Variants in SOX5 observed in about 807,000 individuals in gnomAD.
SOX5 encodes the protein SRY-box transcription factor 5, also known as transcription factor SOX-5.
In SOX5, 9 loss-of-function variants were observed where a neutral mutation model predicts 92.0. That is an observed-to-expected ratio of 0.10 (90% CI 0.06 to 0.17). The LOEUF (loss-of-function observed/expected upper bound fraction) is 0.17, where lower values mean the gene tolerates loss of function less well. Among genes scored for constraint, SOX5 ranks in the 10% least tolerant of loss-of-function variants. SOX5 has a pLI of 1.00. For synonymous variants in SOX5, 344 were observed against 336.3 expected, an observed-to-expected ratio of 1.02 and a Z score of -0.25; for missense variants, 642 against 944.5, an observed-to-expected ratio of 0.68 and a Z score of 4.20.
At chr12:23,979,257 T>C (rs1949246335) in intron 4 of SOX5, among the ~76,000 whole-genome samples, 1 of 152,196 alleles carries the variant, frequency 6.6e-6, no homozygotes, top group Non-Finnish European at 1.5e-5. Flanking sequence ...AGAGTCTTAC[T>C]CTGTCAGCCA....
At chr12:24,520,419 G>T (rs1402737083) in intron 1 of SOX5, among the ~76,000 whole-genome samples, 4 of 151,602 alleles carry the variant, frequency 2.6e-5, no homozygotes, top group Non-Finnish European at 5.9e-5. Context: ...AAAATGGAAG[G>T]TTATAATGAT....
chr12:24,194,857 T>G (rs574121404), intron 4 of SOX5, among the ~76,000 whole-genome samples: 269 of 152,286 alleles, frequency 1.8e-3, no homozygotes, highest in African/African-American at 6.2e-3. Flanking sequence ...GATCTCCAAT[T>G]TACAACCTTA....
intron 4 of SOX5, among the ~76,000 whole-genome samples, chr12:24,085,453 T>C (rs1289064391): frequency 1.3e-5 from 2 of 152,144 alleles, no homozygotes; most frequent in African/African-American, 4.8e-5. Context: ...AGTTGTCAGA[T>C]GGCAGCGTGA....
chr12:23,654,849 CGA>C, intron 7 of SOX5, among the ~76,000 whole-genome samples: 2 of 151,822 alleles, frequency 1.3e-5, no homozygotes, highest in South Asian at 2.1e-4. Context: ...ACATTTTATT[CGA>C]GAGAGTAAAA....
At chr12:23,837,263 A>G (rs1310672362) in intron 3 of SOX5, among the ~76,000 whole-genome samples, 2 of 111,712 alleles carry the variant, frequency 1.8e-5, no homozygotes, top group Non-Finnish European at 3.4e-5. Flanking sequence ...ATATTTATAT[A>G]ATATATAATA....
At chr12:24,559,358 T>C (rs1954115379) in intron 1 of SOX5, among the ~76,000 whole-genome samples, 1 of 152,158 alleles carries the variant, frequency 6.6e-6, no homozygotes, top group African/African-American at 2.4e-5. Context: ...CCAACAATTA[T>C]ACCTGCTGGA....
Position 24,155,687 on chromosome 12 carries a change from AT to A in SOX5, c.-2+57655del, listed in dbSNP as rs769197715. Among the ~76,000 whole-genome samples the A allele has an allele frequency of 1.8e-3, 281 of 152,314 alleles. 1 individual carries two copies. Among genetic ancestry groups the A allele is most frequent in the Middle Eastern group, 3.4e-3 (1 of 294 alleles). ...AACAATTAGCTTTCAAACACAAAAG[AT>A]AAAGTAAGGTGAATGAGTTCAAACC... On this transcript the variant is annotated intron_variant, in intron 4 of 4. Coordinates refer to the SOX5 transcript ENST00000446891.
At chr12:24,154,887 G>A (rs557051572) in intron 4 of SOX5, among the ~76,000 whole-genome samples, 1 of 152,022 alleles carries the variant, frequency 6.6e-6, no homozygotes, top group East Asian at 1.9e-4. Flanking sequence ...ACTTTATTTG[G>A]AAAATTAAAA....
intron 4 of SOX5, among the ~76,000 whole-genome samples, chr12:24,091,815 A>T (rs7963575): frequency 0.77 from 117,529 of 151,784 alleles, 46,286 homozygotes; most frequent in East Asian, 1. Context: ...AGCCATTTCT[A>T]TTTTCTAACT....
chr12:24,305,032 C>G (rs1190499602), intron 2 of SOX5, among the ~76,000 whole-genome samples: 4 of 152,098 alleles, frequency 2.6e-5, no homozygotes, highest in African/African-American at 9.7e-5. Flanking sequence ...GGAAGAATGA[C>G]GATGATCAAA....
chr12:24,526,803 T>C (rs1950751696), intron 1 of SOX5, among the ~76,000 whole-genome samples: 1 of 152,154 alleles, frequency 6.6e-6, no homozygotes, highest in Non-Finnish European at 1.5e-5. Context: ...GTCTTCTTCT[T>C]ATGAAATTAT....
At chr12:24,551,628 C>T (rs1005597402) in intron 1 of SOX5, among the ~76,000 whole-genome samples, 1 of 152,186 alleles carries the variant, frequency 6.6e-6, no homozygotes, top group Non-Finnish European at 1.5e-5. Context: ...TATCCTCATG[C>T]GGTAACTGTT....
chr12:23,792,056 TA>T (rs2095483599), intron 3 of SOX5, among the ~76,000 whole-genome samples: 1 of 152,142 alleles, frequency 6.6e-6, no homozygotes, highest in South Asian at 2.1e-4. Context: ...GATTTTTAAA[TA>T]GTATCTAAGT....
intron 7 of SOX5, among the ~76,000 whole-genome samples, chr12:23,655,992 T>A (rs1269604029): frequency 7.1e-6 from 1 of 141,790 alleles, no homozygotes; most frequent in Admixed American, 6.9e-5. Flanking sequence ...ATAATTTGAC[T>A]TCTTTAGAAA....
At chr12:24,282,173 C>T (rs1945286546) in intron 2 of SOX5, among the ~76,000 whole-genome samples, 1 of 151,972 alleles carries the variant, frequency 6.6e-6, no homozygotes, top group Non-Finnish European at 1.5e-5. Context: ...AATGCGATAT[C>T]TTTAGGAACA....
intron 3 of SOX5, among the ~76,000 whole-genome samples, chr12:24,276,724 A>G (rs1263755974): frequency 6.6e-6 from 1 of 152,142 alleles, no homozygotes; most frequent in Non-Finnish European, 1.5e-5. Flanking sequence ...CTGTCAGTAA[A>G]TTAGAAAATA....
intron 8 of SOX5, among the ~76,000 whole-genome samples, chr12:23,639,071 T>A (rs2079672204): frequency 6.6e-6 from 1 of 152,116 alleles, no homozygotes; most frequent in Non-Finnish European, 1.5e-5. Flanking sequence ...CTTTATCCCA[T>A]TTACATCTCA....
At chr12:24,033,721 T>C (rs1444439447) in intron 4 of SOX5, among the ~76,000 whole-genome samples, 1 of 152,022 alleles carries the variant, frequency 6.6e-6, no homozygotes, top group African/African-American at 2.4e-5. Flanking sequence ...GAATTCAAAT[T>C]TCCAGAAAAT....
rs566692199 is a variant in SOX5, at chr12:24,353,924, C to T, written c.-174+14639G>A. Among the ~76,000 whole-genome samples the T allele has an allele frequency of 4.6e-5, 7 of 152,324 alleles. No individual in the cohort carries two copies. In the East Asian group the frequency reaches 1.4e-3, roughly 29 times the overall value. On this transcript the variant is annotated intron_variant, in intron 2 of 4. Transcript: ENST00000446891. Reference sequence around the variant, plus strand: ...ATAGTGCTGGGATTACAGGCGTGAGCCACCACGCCCGGCCACCTCATTATT... The same window carrying T: ...ATAGTGCTGGGATTACAGGCGTGAGTCACCACGCCCGGCCACCTCATTATT...
Sources: gnomAD v4.1 joint callset for allele counts (sites outside exome capture counted in the v4.1 genomes callset) on GRCh38, gnomAD v4.1.1 for gene constraint, MANE v1.5 for transcripts, NCBI Gene and HGNC (gene_info 2026-07-23, HGNC 2026-07-21) for gene names.